The following NOTCH2NLB variants were observed in gnomAD, a reference collection of about 807,000 sequenced individuals.
NOTCH2NLB encodes notch 2 N-terminal like B.
A neutral mutation model predicts 14.8 loss-of-function variants in NOTCH2NLB; 1 was observed. The ratio of observed to expected loss-of-function variants is 0.07; its 90% CI spans 0.02 to 0.32. NOTCH2NLB has a LOEUF of 0.32. Ranked by LOEUF, NOTCH2NLB falls within the 10% of genes least tolerant of loss-of-function variation. NOTCH2NLB has a pLI of 1.00. For missense variants in NOTCH2NLB, 11 were observed against 155.0 expected (o/e 0.07, Z 4.93); for synonymous variants, 6 against 57.5 (o/e 0.10, Z 4.05).
chr1:148,637,258 T>G (rs1282358939), intron 2 of NOTCH2NLB, among the ~76,000 whole-genome samples: 1 of 140,444 alleles, frequency 7.1e-6, no homozygotes, highest in Non-Finnish European at 1.5e-5. Context: ...TTAGTAGAGA[T>G]GGGATTTCAC....
upstream of NOTCH2NLB, among the ~76,000 whole-genome samples, chr1:148,681,101 TA>T (rs1283282036): frequency 7.4e-6 from 1 of 135,434 alleles, no homozygotes; most frequent in Non-Finnish European, 1.6e-5. Context: ...TTAGGTCACA[TA>T]AAACTATTGA....
intron 1 of NOTCH2NLB, among the ~76,000 whole-genome samples, chr1:148,658,776 TAGTCTC>T (rs1664577713): frequency 1.4e-5 from 2 of 140,256 alleles, no homozygotes; most frequent in African/African-American, 5.3e-5. Flanking sequence ...TTTCCCAGGT[TAGTCTC>T]AAACTCCTGG....
chr1:148,703,221 C>G, the NOTCH2NLB span, among the ~76,000 whole-genome samples: 80 of 90,276 alleles, frequency 8.9e-4, 8 homozygotes, highest in East Asian at 0.03. Flanking sequence ...ACCCAGGAGG[C>G]GGAGCTTGCA....
intron 2 of NOTCH2NLB, among the ~76,000 whole-genome samples, chr1:148,627,736 A>C (rs1356776964): frequency 4.0e-5 from 6 of 150,774 alleles, no homozygotes; most frequent in Admixed American, 2.0e-4. Flanking sequence ...TGTTCTTATA[A>C]CCCTGAGCCT....
At chr1:148,670,408 T>C (rs1333784825) in intron 1 of NOTCH2NLB, among the ~76,000 whole-genome samples, 1 of 145,666 alleles carries the variant, frequency 6.9e-6, no homozygotes, top group Non-Finnish European at 1.5e-5. Context: ...ATGAGGCATA[T>C]TAAGATTAAG....
At chr1:148,608,527 C>A (rs1219700730) in intron 3 of NOTCH2NLB, among the ~76,000 whole-genome samples, 8 of 152,232 alleles carry the variant, frequency 5.3e-5, no homozygotes. Flanking sequence ...CACAGATACA[C>A]CAAGTTTGCT....
chr1:148,625,339 CT>C (rs1156615359), intron 2 of NOTCH2NLB, among the ~76,000 whole-genome samples: 1,755 of 59,810 alleles, frequency 0.029, 244 homozygotes, highest in South Asian at 0.13. Context: ...CTGTCTTTAG[CT>C]TTTTTTTTTT....
intron 3 of NOTCH2NLB, among the ~76,000 whole-genome samples, chr1:148,610,323 G>GAGACAGAAAGAA (rs1553339618): frequency 2.2e-5 from 1 of 45,564 alleles, no homozygotes; most frequent in African/African-American, 1.1e-4. Context: ...GAGAAAGAGA[G>GAGACAGAAAGAA]AGAAAGAAAG....
intron 1 of NOTCH2NLB, among the ~76,000 whole-genome samples, chr1:148,655,994 TAAG>T (rs1324788698): frequency 8.4e-6 from 1 of 118,350 alleles, no homozygotes; most frequent in Non-Finnish European, 1.7e-5. Context: ...ACGGGAGGTG[TAAG>T]ATCATCCACT....
chr1:148,660,577 C>T (rs1447840019), intron 1 of NOTCH2NLB, among the ~76,000 whole-genome samples: 1 of 142,082 alleles, frequency 7.0e-6, no homozygotes, highest in Non-Finnish European at 1.6e-5. Context: ...ATGGCCTTGT[C>T]TCTATAAAAG....
Sources: gnomAD v4.1 joint callset for allele counts (sites outside exome capture counted in the v4.1 genomes callset) on GRCh38, gnomAD v4.1.1 for gene constraint, MANE v1.5 for transcripts, NCBI Gene and HGNC (gene_info 2026-07-23, HGNC 2026-07-21) for gene names.